Variants in NME7 observed in about 807,000 individuals in gnomAD.
NME7 encodes the protein NME/NM23 family member 7, also known as nucleoside diphosphate kinase 7.
Under a neutral mutation model 49.1 loss-of-function variants are expected in NME7, and 41 were observed. The observed-to-expected ratio is 0.83, with a 90% CI of 0.65 to 1.08. The LOEUF is 1.08. NME7 is among the 50% of genes least tolerant of loss of function. The pLI is 0.00. For synonymous variants in NME7, 139 were observed against 150.6 expected (o/e 0.92, Z 0.56); for missense variants, 423 against 463.4 (o/e 0.91, Z 0.80).
intron 7 of NME7, chr1:169,246,954 A>G: frequency 2.3e-6 from 1 of 441,108 alleles, no homozygotes; most frequent in South Asian, 1.6e-5. Flanking sequence ...GATGCAATTA[A>G]GTGAGTAGAA....
At chr1:169,335,227 T>C (rs944396363) in intron 1 of NME7, among the ~76,000 whole-genome samples, 2 of 152,194 alleles carry the variant, frequency 1.3e-5, no homozygotes, top group Non-Finnish European at 2.9e-5. Flanking sequence ...CAAAGGAATA[T>C]AAATTATTCT....
chr1:169,351,006 C>G (rs1449466627), intron 1 of NME7, among the ~76,000 whole-genome samples: 1 of 150,322 alleles, frequency 6.7e-6, no homozygotes, highest in East Asian at 1.9e-4. Flanking sequence ...TTTTCTTTTT[C>G]CCCTATTTCT....
intron 7 of NME7, among the ~76,000 whole-genome samples, chr1:169,273,642 T>G: frequency 7.8e-6 from 1 of 128,348 alleles, no homozygotes. Context: ...CCCCAGAGTG[T>G]GATGTTCCCC....
intron 11 of NME7, among the ~76,000 whole-genome samples, chr1:169,153,677 T>C (rs533652060): frequency 6.9e-6 from 1 of 145,220 alleles, no homozygotes; most frequent in African/African-American, 2.6e-5. Context: ...CATTTTTTTT[T>C]ATCTTTTCCA....
At chr1:169,178,741 T>G (rs1659837607) in intron 10 of NME7, among the ~76,000 whole-genome samples, 1 of 152,048 alleles carries the variant, frequency 6.6e-6, no homozygotes, top group Non-Finnish European at 1.5e-5. Flanking sequence ...TGCTATCTGG[T>G]TTTCAGCTTT....
intron 10 of NME7, among the ~76,000 whole-genome samples, chr1:169,176,020 T>C (rs1365965557): frequency 6.6e-6 from 1 of 152,206 alleles, no homozygotes; most frequent in Non-Finnish European, 1.5e-5. Context: ...CAGCACATGC[T>C]AAGTGCTCTC....
Position 169,169,453 on chromosome 1 carries a change from T to C in NME7, c.1092A>G (p.Leu364=), listed in dbSNP as rs148239352. 4.2e-4 allele frequency: 677 copies of C among 1,612,536 alleles called. No homozygotes were observed. Among genetic ancestry groups the C allele is most frequent in the Non-Finnish European group, 5.5e-4 (645 of 1,178,986 alleles). Residue 364 remains leucine, a synonymous_variant, in exon 11 of 12, where the codon CTA becomes CTG. Coordinates refer to ENST00000367811, the MANE Select transcript of NME7 (RefSeq NM_013330.5). ...VHCTDLPEDG[L]LEVQYFFKIL... is the part of the protein sequence containing the mutation. ...TTTACCTTCTTTATCTTACCTCTAA[T>C]AGGCCATCCTCTGGCAGATCAGTAC...
intron 1 of NME7, among the ~76,000 whole-genome samples, chr1:169,340,732 G>C (rs1000805707): frequency 6.6e-6 from 1 of 152,186 alleles, no homozygotes; most frequent in Non-Finnish European, 1.5e-5. Context: ...CTGGAGTGAA[G>C]GTCACTCATG....
At chr1:169,337,915 C>T (rs150129174) in intron 1 of NME7, among the ~76,000 whole-genome samples, 95 of 152,228 alleles carry the variant, frequency 6.2e-4, no homozygotes, top group African/African-American at 2.2e-3. Context: ...TTTAGTGTGA[C>T]CATAACCAGT....
At chr1:169,160,640 T>A (rs1020516801) in intron 11 of NME7, among the ~76,000 whole-genome samples, 6 of 152,176 alleles carry the variant, frequency 3.9e-5, no homozygotes, top group African/African-American at 1.4e-4. Flanking sequence ...AAATGTTTTG[T>A]CAAGCTACTG....
At chr1:169,209,464 A>G (rs1266243737) in intron 10 of NME7, among the ~76,000 whole-genome samples, 1 of 152,142 alleles carries the variant, frequency 6.6e-6, no homozygotes, top group African/African-American at 2.4e-5. Context: ...TATAGTAAAT[A>G]AACTATGTAC....
chr1:169,225,110 A>T (rs541102563), intron 10 of NME7, among the ~76,000 whole-genome samples: 2 of 151,744 alleles, frequency 1.3e-5, no homozygotes, highest in East Asian at 1.9e-4. Flanking sequence ...ATAATATATA[A>T]TTTTTTTTTC....
rs76687025 is a variant in NME7, at chr1:169,217,746, T to G, written c.990+12972A>C. Among the ~76,000 whole-genome samples, 580 of 152,276 alleles carry G rather than the reference T, an allele frequency of 3.8e-3. 1 individual carries two copies. The highest frequency in any genetic ancestry group is 0.013 in the African/African-American group (552 of 41,542). ...CATTGCCTTCTCCCCTTTGATATAT[T>G]TAGGAAAACAAGACTGTTACGTACA... On this transcript the variant is annotated intron_variant, in intron 10 of 11. Coordinates refer to ENST00000367811, the MANE Select transcript of NME7 (RefSeq NM_013330.5).
chr1:169,265,128 T>C (rs1649280795), intron 7 of NME7, among the ~76,000 whole-genome samples: 1 of 133,022 alleles, frequency 7.5e-6, no homozygotes, highest in Non-Finnish European at 1.8e-5. Context: ...GTCCCTCCCA[T>C]GACATGTCAG....
At chr1:169,191,346 C>A (rs1557981140) in intron 10 of NME7, among the ~76,000 whole-genome samples, 1 of 152,108 alleles carries the variant, frequency 6.6e-6, no homozygotes, top group African/African-American at 2.4e-5. Flanking sequence ...TTGTTGATAA[C>A]TATTATTGCT....
At chr1:169,283,854 A>C (rs1650148348) in intron 7 of NME7, 1 of 152,166 alleles carries the variant, frequency 6.6e-6, no homozygotes, top group African/African-American at 2.4e-5. Context: ...GGGTAACCCA[A>C]CCTTTCTCTC....
At chr1:169,311,219 C>A (rs889110231) in intron 3 of NME7, among the ~76,000 whole-genome samples, 1 of 151,928 alleles carries the variant, frequency 6.6e-6, no homozygotes, top group Non-Finnish European at 1.5e-5. Flanking sequence ...GAGATCGAGA[C>A]CATCCTGGCT....
intron 10 of NME7, among the ~76,000 whole-genome samples, chr1:169,213,430 C>T (rs887300571): frequency 6.6e-6 from 1 of 152,052 alleles, no homozygotes; most frequent in African/African-American, 2.4e-5. Context: ...CACATGGTTG[C>T]CAATGCTGGA....
At chr1:169,316,750 G>C (rs1174171613) in intron 3 of NME7, among the ~76,000 whole-genome samples, 1 of 152,174 alleles carries the variant, frequency 6.6e-6, no homozygotes, top group Non-Finnish European at 1.5e-5. Flanking sequence ...CAAGATGTTG[G>C]AATGTGCAAG....
Sources: allele counts gnomAD v4.1 joint callset (sites outside exome capture counted in the v4.1 genomes callset), GRCh38; gene constraint gnomAD v4.1.1; transcripts MANE v1.5; gene names NCBI Gene and HGNC (gene_info 2026-07-23, HGNC 2026-07-21).